Variants in OTOGL observed in about 807,000 individuals in gnomAD.
OTOGL encodes otogelin like.
OTOGL carries 285 observed loss-of-function variants against 318.5 expected under a neutral mutation model. The ratio of observed to expected loss-of-function variants is 0.89; its 90% confidence interval spans 0.81 to 0.99. The LOEUF is 0.99. Among genes scored for constraint, OTOGL ranks in the 50% least tolerant of loss-of-function variants. The pLI, the probability that OTOGL is intolerant of heterozygous loss-of-function variation, is 0.00. For synonymous variants in OTOGL, 987 were observed against 936.5 expected, an observed-to-expected ratio of 1.05 and a Z score of -0.99; for missense variants, 2,899 against 2,845.6, an observed-to-expected ratio of 1.02 and a Z score of -0.43.
chr12:80,155,845 C>T (rs1393617149), intron 1 of OTOGL, among the ~76,000 whole-genome samples: 2 of 152,088 alleles, frequency 1.3e-5, no homozygotes, highest in Admixed American at 6.6e-5. Context: ...TTTTTAAATA[C>T]CACAGATAAG....
Position 80,122,722 on chromosome 12 carries a change from G to T in OTOGL, c.-20+23117G>T, listed in dbSNP as rs138355947. Among the ~76,000 whole-genome samples, 5 of 152,130 alleles carry T rather than the reference G, an allele frequency of 3.3e-5. No homozygotes were observed. In the East Asian group the frequency reaches 9.6e-4, roughly 29 times the overall value. ...TGCACGAGTCTGACACTGGGTTTCT[G>T]CTTCTTTATGGAAACAGTATGCAAA... On this transcript the variant is annotated intron_variant, in intron 1 of 58. Coordinates refer to ENST00000547103, the MANE Select transcript of OTOGL (RefSeq NM_001378609.3).
chr12:80,274,252 A>T (rs1046257128), intron 24 of OTOGL, among the ~76,000 whole-genome samples: 2 of 152,078 alleles, frequency 1.3e-5, no homozygotes, highest in African/African-American at 4.8e-5. Context: ...GCAAAGGAAA[A>T]GTTCATGAAA....
Position 80,339,223 on chromosome 12 carries a change from G to A in OTOGL, c.5009G>A (p.Gly1670Asp), listed in dbSNP as rs1264644493. Reference protein sequence around the residue: ...HLTGIIDIHFGFRFNLSSYTE... With the variant: ...HLTGIIDIHFDFRFNLSSYTE... ...ACAGGAATCATAGACATTCATTTTG[G>A]CTTCCGATTTAACTTGTCATCCTAC... Residue 1670 changes from glycine (G) to aspartate (D), a missense_variant, in exon 43 of 59, where the codon GGC (glycine) becomes GAC (aspartate). Coordinates refer to ENST00000547103, the MANE Select transcript of OTOGL (RefSeq NM_001378609.3). The A allele has an allele frequency of 6.2e-7, 1 of 1,608,286 alleles. No individual in the cohort carries two copies. Among genetic ancestry groups the A allele is most frequent in the African/African-American group, 1.3e-5 (1 of 74,356 alleles).
chr12:80,124,880 A>T (rs1397924854), intron 1 of OTOGL, among the ~76,000 whole-genome samples: 2 of 152,202 alleles, frequency 1.3e-5, no homozygotes, highest in African/African-American at 4.8e-5. Flanking sequence ...ATTTTCGTAC[A>T]TTGATTTTGT....
At position 80,379,619 on chromosome 12, in the gene OTOGL, A is replaced by C. The variant is rs1891358889; in HGVS notation, c.*1571A>C. ...TAAATGTTTTTGGTTAAAATATATT[A>C]ATATTTCACTTAAGAGAAAATGTTA... On this transcript the variant is annotated 3_prime_UTR_variant, in exon 59 of 59. Transcript: ENST00000547103. The C allele has an allele frequency of 6.6e-6, 1 of 151,700 alleles. No homozygotes were observed. The allele number at this position is 151,700 out of a possible 1,614,324, so 9.4% of individuals were successfully genotyped here.
At chr12:80,241,817 C>T (rs1378246956) in intron 11 of OTOGL, among the ~76,000 whole-genome samples, 2 of 152,140 alleles carry the variant, frequency 1.3e-5, no homozygotes, top group Admixed American at 1.3e-4. Flanking sequence ...GGCTCTGCTC[C>T]ATGAGTTTTC....
At chr12:80,169,560 T>A (rs1874048330) in intron 1 of OTOGL, among the ~76,000 whole-genome samples, 1 of 152,216 alleles carries the variant, frequency 6.6e-6, no homozygotes, top group South Asian at 2.1e-4. Flanking sequence ...ACAATTTTTT[T>A]TGCTATGCAG....
intron 1 of OTOGL, among the ~76,000 whole-genome samples, chr12:80,148,403 G>C (rs1872551139): frequency 6.7e-6 from 1 of 149,866 alleles, no homozygotes; most frequent in Non-Finnish European, 1.5e-5. Flanking sequence ...CTGGCTTGTA[G>C]GGTTTCTGCC....
In OTOGL at chr12:80,320,683, G is replaced by A; in HGVS notation, c.4064G>A (p.Ser1355Asn). The A allele has an allele frequency of 6.2e-7, 1 of 1,603,996 alleles. No homozygotes were observed. Among genetic ancestry groups the A allele is most frequent in the South Asian group, 1.1e-5 (1 of 89,502 alleles). Reference sequence around the variant, plus strand: ...GATTCTGAAGAATTTAAACATTCAAGTAGCTTCAGCATAGAAGGTATGTTT... The same window carrying A: ...GATTCTGAAGAATTTAAACATTCAAATAGCTTCAGCATAGAAGGTATGTTT... The part of the protein sequence containing the change: ...YDDSEEFKHS[S>N]SFSIEEIQAA... The change falls in exon 34 of 59, where the codon AGT (serine) becomes AAT (asparagine). Residue 1355 changes from serine (S) to asparagine (N), a missense_variant. Physicochemically the swap from Ser to Asn is conservative, Grantham distance 46. Around this residue, in one of 3 missense-constraint regions of OTOGL, gnomAD observed 2,607 missense variants for 2,524.9 expected, o/e 1.03. Coordinates refer to ENST00000547103, the MANE Select transcript of OTOGL (RefSeq NM_001378609.3).
chr12:80,271,363 C>T (rs71463864), intron 23 of OTOGL, among the ~76,000 whole-genome samples: 13 of 152,086 alleles, frequency 8.5e-5, no homozygotes, highest in Admixed American at 7.2e-4. Flanking sequence ...TTAGAATAAT[C>T]GTGTGTTCAT....
chr12:80,131,932 G>T (rs1205821058), intron 1 of OTOGL: 1 of 152,168 alleles, frequency 6.6e-6, no homozygotes, highest in African/African-American at 2.4e-5. Flanking sequence ...TGCTTAAGTA[G>T]CAAGAATAGA....
chr12:80,324,451 G>T lies in OTOGL; in HGVS notation c.4199+611G>T, dbSNP rs552752132. Among the ~76,000 whole-genome samples, 53 of 152,284 alleles carry T rather than the reference G, an allele frequency of 3.5e-4. 1 individual carries two copies. In the South Asian group the frequency reaches 0.011, roughly 32 times the overall value. On this transcript the variant is annotated intron_variant, in intron 35 of 58. Transcript: ENST00000547103. ...CAAAATGGAGAGAAGTGGGAGATGA[G>T]ACCAGAGAATCATATTAGTGGGCAA...
chr12:80,155,111 G>A (rs7965086), intron 1 of OTOGL, among the ~76,000 whole-genome samples: 12 of 152,000 alleles, frequency 7.9e-5, no homozygotes, highest in African/African-American at 1.7e-4. Flanking sequence ...GGTCTTTGGC[G>A]CATTTATAAT....
chr12:80,178,902 T>C (rs1874722830), intron 1 of OTOGL, among the ~76,000 whole-genome samples: 2 of 152,224 alleles, frequency 1.3e-5, no homozygotes, highest in Admixed American at 6.5e-5. Flanking sequence ...TCTTTCATTT[T>C]AATTATTGCT....
At chr12:80,115,667 T>G (rs111441542) in intron 1 of OTOGL, among the ~76,000 whole-genome samples, 4,640 of 152,300 alleles carry the variant, frequency 0.03, 242 homozygotes, top group African/African-American at 0.1. Flanking sequence ...TCCCCCCAGG[T>G]GCTCTGTCCC....
intron 26 of OTOGL, among the ~76,000 whole-genome samples, chr12:80,293,653 T>C (rs1885193199): frequency 6.6e-6 from 1 of 152,088 alleles, no homozygotes; most frequent in Non-Finnish European, 1.5e-5. Flanking sequence ...CCTCATATGT[T>C]CAGCTTTTTT....
At chr12:80,289,492 C>T (rs1271511849) in intron 26 of OTOGL, among the ~76,000 whole-genome samples, 1 of 152,178 alleles carries the variant, frequency 6.6e-6, no homozygotes, top group Non-Finnish European at 1.5e-5. Flanking sequence ...GAAGCTGTGC[C>T]CACAGCTGAC....
At position 80,266,547 on chromosome 12, in the gene OTOGL, A is replaced by G. The variant is rs761509436; in HGVS notation, c.2321A>G (p.Asp774Gly). The G allele has an allele frequency of 8.7e-6, 14 of 1,613,450 alleles. No individual in the cohort carries two copies. Among genetic ancestry groups the G allele is most frequent in the Non-Finnish European group, 4.2e-6 (5 of 1,179,742 alleles). Residue 774 changes from aspartate (D) to glycine (G), a missense_variant, in exon 21 of 59, where the codon GAC becomes GGC. Coordinates refer to ENST00000547103, the MANE Select transcript of OTOGL (RefSeq NM_001378609.3). ...TCTTCCCCGGAGCAGTGCAGTGATGACTGTGCTGAAGGCTGTAATTGTCCG... is the reference window on the plus strand; with the variant it reads ...TCTTCCCCGGAGCAGTGCAGTGATGGCTGTGCTGAAGGCTGTAATTGTCCG... ...SLSSPEQCSD[D>G]CAEGCNCPEG... is the part of the protein sequence containing the mutation.
intron 11 of OTOGL, among the ~76,000 whole-genome samples, chr12:80,241,268 G>C (rs1880352018): frequency 6.6e-6 from 1 of 152,026 alleles, no homozygotes; most frequent in African/African-American, 2.4e-5. Context: ...CTTTTGAATA[G>C]AGTGCAGTTA....
Sources: allele counts gnomAD v4.1 joint callset (sites outside exome capture counted in the v4.1 genomes callset), GRCh38; gene constraint gnomAD v4.1.1; regional missense constraint gnomAD v4.1.1; transcripts MANE v1.5; gene names NCBI Gene and HGNC (gene_info 2026-07-23, HGNC 2026-07-21).